TBCK: variants seen among roughly 807,000 people sequenced by gnomAD.
TBCK encodes the protein TBC1 domain containing kinase.
Under a neutral mutation model 113.4 loss-of-function variants are expected in TBCK, and 99 were observed. The observed-to-expected ratio is 0.87, with a 90% CI of 0.74 to 1.03. TBCK has a LOEUF of 1.03. Among genes scored for constraint, TBCK ranks in the 50% least tolerant of loss-of-function variants. TBCK has a pLI of 0.00. For synonymous variants in TBCK, 369 were observed against 370.8 expected (o/e 1.00, Z 0.05); for missense variants, 1,045 against 1,061.3 (o/e 0.98, Z 0.21).
At chr4:106,285,217 C>T (rs1350656125) in intron 3 of TBCK, among the ~76,000 whole-genome samples, 1 of 151,938 alleles carries the variant, frequency 6.6e-6, no homozygotes, top group African/African-American at 2.4e-5. Flanking sequence ...CCAGGTTAGC[C>T]AACTATCCAC....
At chr4:106,092,149 C>G (rs1740337711) in intron 25 of TBCK, among the ~76,000 whole-genome samples, 2 of 152,132 alleles carry the variant, frequency 1.3e-5, no homozygotes, top group Admixed American at 6.5e-5. Flanking sequence ...CAAGTCCCCA[C>G]CAGATTAGCT....
intron 3 of TBCK, among the ~76,000 whole-genome samples, chr4:106,294,398 C>T (rs1221687649): frequency 2.6e-5 from 4 of 151,696 alleles, no homozygotes; most frequent in African/African-American, 4.8e-5. Context: ...GAGGGTGAGG[C>T]GGGTGGATCA....
intron 24 of TBCK, among the ~76,000 whole-genome samples, chr4:106,113,259 G>C (rs1221529303): frequency 6.6e-6 from 1 of 152,184 alleles, no homozygotes; most frequent in Non-Finnish European, 1.5e-5. Flanking sequence ...CCTCCAAGGA[G>C]AGGCCATAGT....
At chr4:106,145,396 G>A (rs994006001) in intron 23 of TBCK, among the ~76,000 whole-genome samples, 1 of 152,190 alleles carries the variant, frequency 6.6e-6, no homozygotes, top group Non-Finnish European at 1.5e-5. Flanking sequence ...ATTTCAATTT[G>A]TGGTGCTTTC....
At chr4:106,109,954 C>T (rs1165377378) in intron 24 of TBCK, among the ~76,000 whole-genome samples, 3 of 152,198 alleles carry the variant, frequency 2.0e-5, no homozygotes, top group Admixed American at 2.0e-4. Flanking sequence ...GCCAAACCCT[C>T]TTATCCGGAG....
intron 25 of TBCK, among the ~76,000 whole-genome samples, chr4:106,086,036 A>C (rs1055858702): frequency 6.6e-6 from 1 of 152,190 alleles, no homozygotes; most frequent in African/African-American, 2.4e-5. Flanking sequence ...CAATTAAAAG[A>C]GCAAAAGAGG....
chr4:106,202,086 C>T (rs1343438490), intron 20 of TBCK, among the ~76,000 whole-genome samples: 1 of 151,852 alleles, frequency 6.6e-6, no homozygotes, highest in East Asian at 1.9e-4. Flanking sequence ...ATAGGAGTTA[C>T]AATGATCACC....
At chr4:106,126,017 T>C (rs1745167854) in intron 23 of TBCK, among the ~76,000 whole-genome samples, 1 of 152,220 alleles carries the variant, frequency 6.6e-6, no homozygotes, top group African/African-American at 2.4e-5. Flanking sequence ...ACCTCTTTTC[T>C]CACCCCTCAC....
At chr4:106,181,862 G>A (rs746649782) in intron 22 of TBCK, among the ~76,000 whole-genome samples, 6 of 152,078 alleles carry the variant, frequency 3.9e-5, no homozygotes, top group Non-Finnish European at 8.8e-5. Context: ...CTCTTTTTTG[G>A]TTCCATATGA....
Position 106,312,663 on chromosome 4 carries a change from T to C in TBCK, c.-30+3268A>G, listed in dbSNP as rs568574204. On this transcript the variant is annotated intron_variant, in intron 1 of 25. Coordinates refer to ENST00000394708, the MANE Select transcript of TBCK (RefSeq NM_001163435.3). Reference sequence around the variant, plus strand: ...ACTGTATGAGTATGTTCATAGGAACTGTACTCTTAATAGCTAAAAACCAGA... The same window carrying C: ...ACTGTATGAGTATGTTCATAGGAACCGTACTCTTAATAGCTAAAAACCAGA... Among the ~76,000 whole-genome samples, 3 of 152,248 alleles carry C rather than the reference T, an allele frequency of 2.0e-5. No homozygotes were observed. The East Asian group carries it at 5.8e-4, about 29-fold the overall frequency.
At chr4:106,119,767 C>A (rs1403921618) in intron 23 of TBCK, among the ~76,000 whole-genome samples, 2 of 152,014 alleles carry the variant, frequency 1.3e-5, no homozygotes, top group South Asian at 4.1e-4. Context: ...CTCCATCAGA[C>A]AAGGGATTAA....
chr4:106,056,974 T>A (rs1218211088), intron 25 of TBCK, among the ~76,000 whole-genome samples: 2 of 151,808 alleles, frequency 1.3e-5, no homozygotes, highest in African/African-American at 4.8e-5. Flanking sequence ...TAACTTATAT[T>A]TACATGAAAG....
rs778763849 is a variant in TBCK, at chr4:106,046,533, T to A, written c.*37A>T. The A allele has an allele frequency of 6.1e-6, 7 of 1,146,916 alleles. No individual in the cohort carries two copies. The East Asian group carries it at 1.6e-4, about 27-fold the overall frequency. The allele number at this position is 1,146,916 out of a possible 1,614,324, so 71.0% of individuals were successfully genotyped here. On this transcript the variant is annotated 3_prime_UTR_variant, in exon 26 of 26. Coordinates refer to ENST00000394708, the MANE Select transcript of TBCK (RefSeq NM_001163435.3). ...TGAAGAACTGTGCTGTTGGTGCTGA[T>A]GCCACACTAAGTTTTGGCAGTCACA...
At chr4:106,062,848 A>G (rs976817723) in intron 25 of TBCK, among the ~76,000 whole-genome samples, 1 of 151,932 alleles carries the variant, frequency 6.6e-6, no homozygotes, top group Non-Finnish European at 1.5e-5. Flanking sequence ...CTCTCTTTTT[A>G]AAAACTGCTT....
chr4:106,143,750 A>T (rs111904522), intron 23 of TBCK, among the ~76,000 whole-genome samples: 4,065 of 152,054 alleles, frequency 0.027, 173 homozygotes, highest in African/African-American at 0.093. Context: ...GCTCGTCTCT[A>T]CTAAAAATAC....
chr4:106,181,400 T>C (rs1300380622), intron 22 of TBCK, among the ~76,000 whole-genome samples: 2 of 152,206 alleles, frequency 1.3e-5, no homozygotes, highest in African/African-American at 4.8e-5. Flanking sequence ...ATTTTGGCTT[T>C]TGTTGCCATT....
intron 22 of TBCK, chr4:106,182,302 T>C (rs934984614): frequency 1.8e-4 from 27 of 152,180 alleles, no homozygotes; most frequent in Non-Finnish European, 2.9e-5. Flanking sequence ...TATACAATCA[T>C]GTCATCTGCA....
intron 12 of TBCK, among the ~76,000 whole-genome samples, chr4:106,241,967 C>G (rs1284342774): frequency 2.6e-5 from 4 of 151,692 alleles, no homozygotes; most frequent in Non-Finnish European, 5.9e-5. Context: ...ATTTCCATGA[C>G]ATACAGCTCA....
At chr4:106,263,511 T>C (rs780680011) in intron 3 of TBCK, among the ~76,000 whole-genome samples, 53 of 151,388 alleles carry the variant, frequency 3.5e-4, no homozygotes, top group Non-Finnish European at 7.1e-4. Context: ...GGGTGGGGGG[T>C]AGGTGGACTA....
Sources: allele counts gnomAD v4.1 joint callset (sites outside exome capture counted in the v4.1 genomes callset), GRCh38; gene constraint gnomAD v4.1.1; transcripts MANE v1.5; gene names NCBI Gene and HGNC (gene_info 2026-07-23, HGNC 2026-07-21).